RIMS1: variants seen among roughly 807,000 people sequenced by gnomAD.
RIMS1 encodes regulating synaptic membrane exocytosis 1.
RIMS1 carries 83 observed loss-of-function variants against 214.1 expected under a neutral mutation model. The observed-to-expected ratio is 0.39, with a 90% CI of 0.32 to 0.47. RIMS1 has a LOEUF of 0.47. RIMS1 is among the 20% of genes least tolerant of loss of function. The pLI is 0.99. For synonymous variants in RIMS1, 793 were observed against 786.8 expected (o/e 1.01, Z -0.13); for missense variants, 2,050 against 2,161.8 (o/e 0.95, Z 1.03).
intron 1 of RIMS1, among the ~76,000 whole-genome samples, chr6:71,956,768 A>C (rs1474111428): frequency 6.6e-6 from 1 of 152,066 alleles, no homozygotes; most frequent in Non-Finnish European, 1.5e-5. Flanking sequence ...AGCTTCCTCT[A>C]AGGAAAGGAC....
At chr6:72,354,497 A>G (rs2097564933) in intron 29 of RIMS1, among the ~76,000 whole-genome samples, 1 of 152,252 alleles carries the variant, frequency 6.6e-6, no homozygotes, top group African/African-American at 2.4e-5. Context: ...TAATGATTAC[A>G]GAGCACATCT....
chr6:72,245,825 C>T lies in RIMS1; in HGVS notation c.2092C>T (p.Arg698Trp), dbSNP rs778633409. 6.8e-6 allele frequency: 11 copies of T among 1,609,384 alleles called. No individual in the cohort carries two copies. The highest frequency in any genetic ancestry group is 1.6e-4 in the Middle Eastern group (1 of 6,066). ...IVSRPIGDIP[R>W]IPESSHPPLE... ...TCCTGTTTCTTTTAGTGACATTCCC[C>T]GGATTCCTGAGAGCTCCCACCCTCC... Residue 698 changes from arginine (R) to tryptophan (W), a missense_variant, in exon 11 of 34, where the codon CGG becomes TGG. Coordinates refer to ENST00000521978, the MANE Select transcript of RIMS1 (RefSeq NM_014989.7).
chr6:72,337,333 G>A (rs1323496240), intron 29 of RIMS1, among the ~76,000 whole-genome samples: 6 of 151,610 alleles, frequency 4.0e-5, no homozygotes, highest in African/African-American at 1.2e-4. Flanking sequence ...GAAAATGAAG[G>A]CATTATTGGG....
At chr6:72,234,352 G>A (rs1453318703) in intron 7 of RIMS1, among the ~76,000 whole-genome samples, 1 of 151,918 alleles carries the variant, frequency 6.6e-6, no homozygotes, top group Non-Finnish European at 1.5e-5. Flanking sequence ...CCAATAACTT[G>A]TGTCTATAGG....
chr6:72,041,819 A>G (rs1028793253), intron 2 of RIMS1, among the ~76,000 whole-genome samples: 2 of 151,962 alleles, frequency 1.3e-5, no homozygotes, highest in Admixed American at 1.3e-4. Flanking sequence ...AATCTTCACA[A>G]TAACCCTATA....
In RIMS1 at chr6:72,296,718, G is replaced by A. The variant is rs151174874; in HGVS notation, c.3850+4672G>A. On this transcript the variant is annotated intron_variant, in intron 26 of 33. Transcript: ENST00000521978. Reference sequence around the variant, plus strand: ...TATAATTCTGTATAATTTAATAAAAGTACATTTTCTCAATATTTGAAAGTG... The same window carrying A: ...TATAATTCTGTATAATTTAATAAAAATACATTTTCTCAATATTTGAAAGTG... Among the ~76,000 whole-genome samples the A allele has an allele frequency of 4.1e-4, 63 of 151,838 alleles. No individual in the cohort carries two copies. In the East Asian group the frequency reaches 0.012, roughly 28 times the overall value.
chr6:72,183,972 A>C (rs2048742211), intron 6 of RIMS1, among the ~76,000 whole-genome samples: 1 of 152,218 alleles, frequency 6.6e-6, no homozygotes, highest in Admixed American at 6.5e-5. Flanking sequence ...TGCGGTATTA[A>C]ATCATAGCTG....
At chr6:72,201,773 A>G (rs1014634571) in intron 6 of RIMS1, among the ~76,000 whole-genome samples, 2 of 152,212 alleles carry the variant, frequency 1.3e-5, no homozygotes, top group African/African-American at 4.8e-5. Flanking sequence ...TCCTGAGTCC[A>G]CATTCCAGAG....
intron 2 of RIMS1, among the ~76,000 whole-genome samples, chr6:72,024,520 A>G (rs1246363561): frequency 1.3e-5 from 2 of 152,180 alleles, no homozygotes; most frequent in African/African-American, 4.8e-5. Context: ...TTGTATTAAA[A>G]TTTAGCTCCC....
At chr6:72,110,628 T>C (rs1384530380) in intron 4 of RIMS1, among the ~76,000 whole-genome samples, 1 of 150,312 alleles carries the variant, frequency 6.7e-6, no homozygotes, top group Non-Finnish European at 1.5e-5. Context: ...TTTCTAGATA[T>C]ACAATCATGT....
chr6:71,959,291 T>C (rs574715925), intron 1 of RIMS1, among the ~76,000 whole-genome samples: 1 of 152,150 alleles, frequency 6.6e-6, no homozygotes, highest in South Asian at 2.1e-4. Context: ...AGTTCATTAA[T>C]GCTTTTCCAA....
chr6:72,299,384 A>G (rs548517081), intron 26 of RIMS1, among the ~76,000 whole-genome samples: 1 of 152,070 alleles, frequency 6.6e-6, no homozygotes, highest in East Asian at 1.9e-4. Flanking sequence ...TAAAGTAAGT[A>G]AATTATTATT....
At chr6:72,371,717 G>A (rs2098226980) in intron 29 of RIMS1, among the ~76,000 whole-genome samples, 1 of 152,082 alleles carries the variant, frequency 6.6e-6, no homozygotes, top group Non-Finnish European at 1.5e-5. Flanking sequence ...CAATGGGCAG[G>A]ACCCAACCAG....
intron 4 of RIMS1, among the ~76,000 whole-genome samples, chr6:72,128,736 A>G (rs1338859841): frequency 6.6e-6 from 1 of 152,258 alleles, no homozygotes; most frequent in Admixed American, 6.5e-5. Context: ...CAACAAACAC[A>G]GATTAGTATC....
intron 29 of RIMS1, among the ~76,000 whole-genome samples, chr6:72,361,399 C>A (rs2097821604): frequency 6.6e-6 from 1 of 151,988 alleles, no homozygotes; most frequent in South Asian, 2.1e-4. Flanking sequence ...AGCCACTGCA[C>A]CGGCTGCTAT....
At chr6:72,063,237 C>T (rs557011647) in intron 2 of RIMS1, among the ~76,000 whole-genome samples, 20 of 152,166 alleles carry the variant, frequency 1.3e-4, no homozygotes, top group African/African-American at 4.8e-4. Context: ...GTATTAATTC[C>T]CCCTTACCTT....
intron 2 of RIMS1, among the ~76,000 whole-genome samples, chr6:72,091,007 G>C (rs72934870): frequency 0.067 from 10,185 of 152,246 alleles, 399 homozygotes; most frequent in Middle Eastern, 0.1. Context: ...CGAAGGGAAC[G>C]CGTGATGGCA....
chr6:72,066,124 G>A (rs1829240587), intron 2 of RIMS1, among the ~76,000 whole-genome samples: 1 of 152,144 alleles, frequency 6.6e-6, no homozygotes, highest in South Asian at 2.1e-4. Context: ...CTCCTTTCTT[G>A]AGATATTTAA....
At chr6:72,399,119 T>C (rs1011957098) in intron 33 of RIMS1, 25 bp downstream of exon 33, 11 of 1,555,342 alleles carry the variant, frequency 7.1e-6, no homozygotes, top group Middle Eastern at 1.7e-4. Context: ...GTTTGGCTTT[T>C]TACATTGAAA....
Sources: allele counts gnomAD v4.1 joint callset (sites outside exome capture counted in the v4.1 genomes callset), GRCh38; gene constraint gnomAD v4.1.1; transcripts MANE v1.5; gene names NCBI Gene and HGNC (gene_info 2026-07-23, HGNC 2026-07-21).